Variants in ZFPM2 observed in about 807,000 individuals in gnomAD.
ZFPM2 encodes the protein zinc finger protein ZFPM2.
ZFPM2 carries 20 observed loss-of-function variants against 98.6 expected under a neutral mutation model. The observed-to-expected ratio is 0.20, with a 90% CI of 0.14 to 0.29. The LOEUF is 0.29. Ranked by LOEUF, ZFPM2 falls within the 10% of genes least tolerant of loss-of-function variation. The pLI is 1.00. For missense variants in ZFPM2, 1,310 were observed against 1,388.6 expected (o/e 0.94, Z 0.90); for synonymous variants, 518 against 502.7 (o/e 1.03, Z -0.41).
intron 5 of ZFPM2, among the ~76,000 whole-genome samples, chr8:105,653,427 G>A (rs779780214): frequency 6.6e-6 from 1 of 152,146 alleles, no homozygotes; most frequent in Non-Finnish European, 1.5e-5. Context: ...CTATGATATA[G>A]CTTGTCCATA....
At chr8:105,321,600 T>C (rs1003498587) in intron 1 of ZFPM2, among the ~76,000 whole-genome samples, 5 of 148,870 alleles carry the variant, frequency 3.4e-5, no homozygotes, top group African/African-American at 1.2e-4. Flanking sequence ...TTGGGCACAG[T>C]TTTTTTTTTC....
At chr8:105,351,028 C>T (rs191604236) in intron 1 of ZFPM2, among the ~76,000 whole-genome samples, 54 of 151,838 alleles carry the variant, frequency 3.6e-4, no homozygotes, top group Non-Finnish European at 6.0e-4. Context: ...ACTAAAAATA[C>T]GAAAATTAGT....
chr8:105,667,308 G>A (rs2130897370), intron 5 of ZFPM2, among the ~76,000 whole-genome samples: 1 of 152,282 alleles, frequency 6.6e-6, no homozygotes, highest in Non-Finnish European at 1.5e-5. Flanking sequence ...AGTAGTGAAT[G>A]TGATCTTTTG....
intron 5 of ZFPM2, among the ~76,000 whole-genome samples, chr8:105,699,870 C>A (rs1354400945): frequency 3.9e-5 from 6 of 152,016 alleles, no homozygotes; most frequent in Non-Finnish European, 7.4e-5. Flanking sequence ...AGACTAATTT[C>A]ATTATTGTTT....
At chr8:105,687,328 G>A (rs1043188150) in intron 5 of ZFPM2, among the ~76,000 whole-genome samples, 2 of 152,108 alleles carry the variant, frequency 1.3e-5, no homozygotes, top group Admixed American at 1.3e-4. Flanking sequence ...AGAACTATTA[G>A]ACTGCTTAAA....
At chr8:105,328,810 A>AAAT (rs1812161569) in intron 1 of ZFPM2, among the ~76,000 whole-genome samples, 1 of 151,822 alleles carries the variant, frequency 6.6e-6, no homozygotes, top group Admixed American at 6.6e-5. Flanking sequence ...ATTGACATAA[A>AAAT]AATAACCAGA....
chr8:105,514,247 C>T (rs1383276070), intron 3 of ZFPM2, among the ~76,000 whole-genome samples: 1 of 151,362 alleles, frequency 6.6e-6, no homozygotes, highest in Non-Finnish European at 1.5e-5. Flanking sequence ...AAGCTATCCA[C>T]CTGCCTTGGC....
chr8:105,586,842 A>T (rs563781628), intron 4 of ZFPM2, among the ~76,000 whole-genome samples: 1 of 137,088 alleles, frequency 7.3e-6, no homozygotes. Context: ...TTTATATATA[A>T]ATATTTTATA....
At chr8:105,553,569 T>C (rs1226407011) in intron 3 of ZFPM2, among the ~76,000 whole-genome samples, 1 of 152,200 alleles carries the variant, frequency 6.6e-6, no homozygotes, top group Non-Finnish European at 1.5e-5. Context: ...TCTTTTCCAG[T>C]GCAATTACAA....
At chr8:105,439,751 G>A (rs979105190) in intron 2 of ZFPM2, among the ~76,000 whole-genome samples, 1 of 152,110 alleles carries the variant, frequency 6.6e-6, no homozygotes, top group Non-Finnish European at 1.5e-5. Flanking sequence ...TAAGAAAAGT[G>A]CTTGGAAGGA....
intron 2 of ZFPM2, among the ~76,000 whole-genome samples, chr8:105,439,035 C>T (rs1166385834): frequency 2.0e-5 from 3 of 151,524 alleles, no homozygotes; most frequent in Non-Finnish European, 2.9e-5. Context: ...TTTTATTTTT[C>T]ATATTTCTCA....
intron 1 of ZFPM2, among the ~76,000 whole-genome samples, chr8:105,403,653 C>T (rs1329426652): frequency 1.3e-5 from 2 of 151,838 alleles, no homozygotes; most frequent in African/African-American, 4.8e-5. Context: ...CTCCCAACTC[C>T]TAGGTGCACT....
At chr8:105,380,804 T>C (rs1586330153) in intron 1 of ZFPM2, among the ~76,000 whole-genome samples, 2 of 25,394 alleles carry the variant, frequency 7.9e-5, no homozygotes, top group Admixed American at 7.2e-4. Context: ...TTATATATGT[T>C]ATATATAATA....
At chr8:105,503,612 T>G (rs1262567186) in intron 3 of ZFPM2, among the ~76,000 whole-genome samples, 1 of 152,178 alleles carries the variant, frequency 6.6e-6, no homozygotes, top group Non-Finnish European at 1.5e-5. Context: ...TGAGCAGGGT[T>G]ATGTGATATT....
intron 1 of ZFPM2, among the ~76,000 whole-genome samples, chr8:105,350,124 G>T (rs1416403308): frequency 6.6e-6 from 1 of 152,072 alleles, no homozygotes; most frequent in African/African-American, 2.4e-5. Context: ...AAAGGATAAA[G>T]AAAAATATTT....
intron 3 of ZFPM2, among the ~76,000 whole-genome samples, chr8:105,494,226 T>TATATATAA (rs1813416320): frequency 8.1e-6 from 1 of 123,792 alleles, no homozygotes; most frequent in Non-Finnish European, 1.7e-5. Context: ...TATATATATA[T>TATATATAA]AATCTCAAAC....
chr8:105,618,385 A>G (rs1050478951), intron 4 of ZFPM2, among the ~76,000 whole-genome samples: 1 of 152,184 alleles, frequency 6.6e-6, no homozygotes, highest in Admixed American at 6.5e-5. Flanking sequence ...TTATCTTTCC[A>G]AAATGGGCAT....
At chr8:105,375,609 A>T (rs1810710304) in intron 1 of ZFPM2, among the ~76,000 whole-genome samples, 1 of 152,134 alleles carries the variant, frequency 6.6e-6, no homozygotes, top group Admixed American at 6.5e-5. Context: ...AACTCCCTTC[A>T]CCAGTTGAGT....
intron 3 of ZFPM2, among the ~76,000 whole-genome samples, chr8:105,456,069 G>A (rs1219663831): frequency 6.6e-6 from 1 of 152,022 alleles, no homozygotes; most frequent in Non-Finnish European, 1.5e-5. Flanking sequence ...TATCTTTAGG[G>A]GAAGGCTAGA....
Sources: gnomAD v4.1 joint callset for allele counts (sites outside exome capture counted in the v4.1 genomes callset) on GRCh38, gnomAD v4.1.1 for gene constraint, MANE v1.5 for transcripts, NCBI Gene and HGNC (gene_info 2026-07-23, HGNC 2026-07-21) for gene names.